MYT1L: variants seen among roughly 807,000 people sequenced by gnomAD.
MYT1L encodes the protein myelin transcription factor 1-like protein.
In MYT1L, 12 loss-of-function variants were observed where a neutral mutation model predicts 126.7. The observed-to-expected ratio is 0.09, with a 90% CI of 0.06 to 0.15. The LOEUF (loss-of-function observed/expected upper bound fraction) is 0.15, where lower values mean the gene tolerates loss of function less well. Ranked by LOEUF, MYT1L falls within the 10% of genes least tolerant of loss-of-function variation. The pLI, the probability that MYT1L is intolerant of heterozygous loss-of-function variation, is 1.00. For missense variants in MYT1L, 979 were observed against 1,585.2 expected (o/e 0.62, Z 6.49); for synonymous variants, 541 against 604.2 (o/e 0.90, Z 1.53).
intron 5 of MYT1L, among the ~76,000 whole-genome samples, chr2:1,987,439 G>A (rs2061128392): frequency 6.6e-6 from 1 of 152,014 alleles, no homozygotes; most frequent in African/African-American, 2.4e-5. Context: ...TTCCATGGGA[G>A]GGGCAGCCAG....
intron 18 of MYT1L, among the ~76,000 whole-genome samples, chr2:1,881,366 G>A (rs1298910165): frequency 1.1e-5 from 1 of 88,098 alleles, no homozygotes. Flanking sequence ...GTGTGTGTGT[G>A]TGTGTGTGTG....
intron 2 of MYT1L, among the ~76,000 whole-genome samples, chr2:2,194,234 T>C (rs2148767106): frequency 6.6e-6 from 1 of 152,078 alleles, no homozygotes; most frequent in South Asian, 2.1e-4. Context: ...CACAAGCCCC[T>C]TTTTCTGACC....
rs531400915 is a variant in MYT1L at position 1,809,017 on chromosome 2, G to C, written c.3172+59C>G. Reference sequence around the variant, plus strand: ...CTGTCAAAGGACACACAGCTGGCATGGCCGTGCCCGCTGGGCCTTCCTGAC... The same window carrying C: ...CTGTCAAAGGACACACAGCTGGCATCGCCGTGCCCGCTGGGCCTTCCTGAC... On this transcript the variant is annotated intron_variant, in intron 22 of 24. Transcript: ENST00000647738. 2.1e-5 allele frequency: 31 copies of C among 1,470,248 alleles called. No individual in the cohort carries two copies. The African/African-American group carries it at 3.9e-4, about 18-fold the overall frequency. The allele number at this position is 1,470,248 out of a possible 1,614,324, so 91.1% of individuals were successfully genotyped here. A position where few individuals can be genotyped will look rare whatever the true frequency, so the allele number is the denominator to read the frequency against.
chr2:2,018,256 G>A (rs1433702314), intron 4 of MYT1L, among the ~76,000 whole-genome samples: 2 of 152,162 alleles, frequency 1.3e-5, no homozygotes, highest in African/African-American at 2.4e-5. Flanking sequence ...TTCTCTGTCT[G>A]TTGTCTGCCC....
At chr2:1,865,261 G>A (rs964695026) in intron 18 of MYT1L, among the ~76,000 whole-genome samples, 5 of 152,166 alleles carry the variant, frequency 3.3e-5, no homozygotes, top group African/African-American at 1.2e-4. Context: ...ACGGGGCTGA[G>A]GGACACCCCC....
chr2:2,064,193 C>T (rs1396891319), intron 3 of MYT1L, among the ~76,000 whole-genome samples: 2 of 152,162 alleles, frequency 1.3e-5, no homozygotes, highest in African/African-American at 2.4e-5. Flanking sequence ...GCAGACTTCA[C>T]ATTATTCCTC....
intron 2 of MYT1L, among the ~76,000 whole-genome samples, chr2:2,195,438 T>A (rs2092759338): frequency 6.6e-6 from 1 of 152,220 alleles, no homozygotes; most frequent in East Asian, 1.9e-4. Context: ...TTTTCTGTGA[T>A]TTAGATGCCT....
At chr2:2,250,851 A>G (rs1177273826) in intron 2 of MYT1L, among the ~76,000 whole-genome samples, 1 of 152,176 alleles carries the variant, frequency 6.6e-6, no homozygotes, top group Non-Finnish European at 1.5e-5. Context: ...AGCATAATTT[A>G]TCCATTGAAT....
intron 18 of MYT1L, among the ~76,000 whole-genome samples, chr2:1,869,103 C>A (rs78832132): frequency 6.6e-6 from 1 of 152,244 alleles, no homozygotes; most frequent in Non-Finnish European, 1.5e-5. Flanking sequence ...TGTGCCTCAC[C>A]GGTCCATGCA....
chr2:1,983,511 T>C (rs1417441389), intron 5 of MYT1L, among the ~76,000 whole-genome samples: 1 of 152,242 alleles, frequency 6.6e-6, no homozygotes. Context: ...CATTTTCTAA[T>C]GTGTGCACCT....
At chr2:2,155,246 C>A (rs1312379388) in intron 3 of MYT1L, among the ~76,000 whole-genome samples, 1 of 152,212 alleles carries the variant, frequency 6.6e-6, no homozygotes, top group Admixed American at 6.5e-5. Flanking sequence ...TTAAAAACTT[C>A]TGTGTTGTGA....
rs540718994 is a variant in MYT1L at position 2,200,696 on chromosome 2, G to A, written c.-420-27708C>T. ...GAGAGAGAGTTGAGGAGGAAAGTCT[G>A]AGCCTTCCAAGGCCACATTTTTCTA... On this transcript the variant is annotated intron_variant, in intron 2 of 24. Coordinates refer to ENST00000647738, the MANE Select transcript of MYT1L (RefSeq NM_001303052.2). 2.6e-4 allele frequency among the ~76,000 whole-genome samples: 40 copies of A among 152,336 alleles called. 1 individual carries two copies.
chr2:2,259,161 G>T (rs540141165), intron 2 of MYT1L, among the ~76,000 whole-genome samples: 1 of 67,392 alleles, frequency 1.5e-5, no homozygotes, highest in Admixed American at 1.6e-4. Flanking sequence ...ACCAAACACC[G>T]CATATTCTCA....
At chr2:1,814,071 G>A (rs555566507) in intron 21 of MYT1L, among the ~76,000 whole-genome samples, 5 of 149,736 alleles carry the variant, frequency 3.3e-5, no homozygotes, top group Admixed American at 2.0e-4. Flanking sequence ...CCATGAAACC[G>A]GTCCCTTGTG....
intron 2 of MYT1L, among the ~76,000 whole-genome samples, chr2:2,181,440 G>A (rs2091512407): frequency 6.6e-6 from 1 of 152,114 alleles, no homozygotes; most frequent in Non-Finnish European, 1.5e-5. Flanking sequence ...GAGTCCTTGG[G>A]AAGAAAATCA....
At chr2:2,181,134 A>G (rs1195204822) in intron 2 of MYT1L, among the ~76,000 whole-genome samples, 1 of 146,178 alleles carries the variant, frequency 6.8e-6, no homozygotes, top group Non-Finnish European at 1.5e-5. Context: ...GTGCCTGTGT[A>G]CCTGTGTCTG....
At chr2:1,940,208 C>A (rs2056482078) in intron 9 of MYT1L, among the ~76,000 whole-genome samples, 1 of 151,312 alleles carries the variant, frequency 6.6e-6, no homozygotes, top group Non-Finnish European at 1.5e-5. Context: ...CCTGTGGCTG[C>A]ACCCTGCCAG....
At chr2:1,946,225 C>T (rs1000448668) in intron 8 of MYT1L, among the ~76,000 whole-genome samples, 3 of 151,884 alleles carry the variant, frequency 2.0e-5, no homozygotes, top group African/African-American at 7.3e-5. Context: ...CCCATCACAC[C>T]CAGATGGGAC....
chr2:2,243,613 C>T (rs1018157275), intron 2 of MYT1L, among the ~76,000 whole-genome samples: 1 of 152,200 alleles, frequency 6.6e-6, no homozygotes, highest in Non-Finnish European at 1.5e-5. Context: ...ACACCAGGGG[C>T]CCTGCAGAAA....
Sources: allele counts gnomAD v4.1 joint callset (sites outside exome capture counted in the v4.1 genomes callset), GRCh38; gene constraint gnomAD v4.1.1; transcripts MANE v1.5; gene names NCBI Gene and HGNC (gene_info 2026-07-23, HGNC 2026-07-21).